The following ZNF366 variants were observed in gnomAD, a reference collection of about 807,000 sequenced individuals.
The protein encoded by ZNF366 is dendritic cell-specific transcript protein.
In ZNF366, 20 loss-of-function variants were observed where a neutral mutation model predicts 47.2. The observed-to-expected ratio is 0.42, with a 90% confidence interval of 0.30 to 0.62. The LOEUF is 0.62. Ranked by LOEUF, ZNF366 falls within the 20% of genes least tolerant of loss-of-function variation. The pLI, the probability that ZNF366 is intolerant of heterozygous loss-of-function variation, is 0.16. For synonymous variants in ZNF366, 421 were observed against 395.1 expected (o/e 1.07, Z -0.78); for missense variants, 987 against 976.3 (o/e 1.01, Z -0.15).
At chr5:72,496,567 G>A (rs2112355181) in intron 1 of ZNF366, among the ~76,000 whole-genome samples, 1 of 152,124 alleles carries the variant, frequency 6.6e-6, no homozygotes, top group Non-Finnish European at 1.5e-5. Context: ...TTTCCAGTTG[G>A]GGGCATTATG....
chr5:72,456,684 T>C, intron 2 of ZNF366, 89 bp from the exon 3 acceptor site: 1 of 1,331,506 alleles, frequency 7.5e-7, no homozygotes, highest in East Asian at 2.3e-5. Flanking sequence ...CTCTGCCACA[T>C]AAATCCACAA....
intron 1 of ZNF366, among the ~76,000 whole-genome samples, chr5:72,489,538 G>A (rs1405717197): frequency 1.3e-5 from 2 of 152,226 alleles, no homozygotes; most frequent in African/African-American, 4.8e-5. Flanking sequence ...CACATGGCAA[G>A]TGCTAAGTAA....
In ZNF366 at chr5:72,493,979, GCCA is replaced by G. The variant is rs1428460416; in HGVS notation, c.-15+13269_-15+13271del. 8.2e-5 allele frequency among the ~76,000 whole-genome samples: 11 copies of G among 133,456 alleles called. No individual in the cohort carries two copies. The Admixed American group carries it at 9.6e-4, about 12-fold the overall frequency. The allele number at this position is 133,456 out of a possible 152,430, so 87.6% of individuals were successfully genotyped here. The stretch of plus-strand genomic sequence containing the variant: ...GTAGAGGTGGGGTTTCACCATATTG[GCCA>G]GGCCAGTCTCGAACTCCTGACCTTA... On this transcript the variant is annotated intron_variant, in intron 1 of 4. Coordinates refer to ENST00000318442, the MANE Select transcript of ZNF366 (RefSeq NM_152625.3).
intron 1 of ZNF366, among the ~76,000 whole-genome samples, chr5:72,494,007 A>G (rs13361840): frequency 0.2 from 27,713 of 140,624 alleles, 2,726 homozygotes; most frequent in East Asian, 0.39. Context: ...TCCTGACCTT[A>G]TGATCTGCCC....
intron 1 of ZNF366, among the ~76,000 whole-genome samples, chr5:72,466,408 T>G (rs1468226912): frequency 6.6e-6 from 1 of 152,216 alleles, no homozygotes. Flanking sequence ...TGTGAGAAAC[T>G]GAAACATTGC....
intron 1 of ZNF366, among the ~76,000 whole-genome samples, chr5:72,505,656 C>T (rs1744306274): frequency 6.6e-6 from 1 of 152,200 alleles, no homozygotes; most frequent in South Asian, 2.1e-4. Context: ...GCACAAAATT[C>T]AATACATTAT....
At chr5:72,504,089 G>A (rs10066095) in intron 1 of ZNF366, among the ~76,000 whole-genome samples, 27,779 of 151,560 alleles carry the variant, frequency 0.18, 2,699 homozygotes, top group East Asian at 0.38. Context: ...ACATGCGCGC[G>A]CACACACGCG....
In ZNF366 at chr5:72,463,160, T is replaced by G. The variant is rs140067779; in HGVS notation, c.-14-1650A>C. 1.8e-3 allele frequency among the ~76,000 whole-genome samples: 281 copies of G among 152,342 alleles called. 3 individuals carry two copies. The highest frequency in any genetic ancestry group is 6.5e-3 in the African/African-American group (270 of 41,570). On this transcript the variant is annotated intron_variant, in intron 1 of 4. Transcript: ENST00000318442. ...AGAGGGCCAACAGTTTTCAGTGATT[T>G]TCTATGGTCCTTGGCGAGTCGGATA...
rs560762599 is a variant in ZNF366 at position 72,473,903 on chromosome 5, G to T, written c.-14-12393C>A. Among the ~76,000 whole-genome samples, 26 of 152,306 alleles carry T rather than the reference G, an allele frequency of 1.7e-4. No individual in the cohort carries two copies. The South Asian group carries it at 2.9e-3, about 17-fold the overall frequency. On this transcript the variant is annotated intron_variant, in intron 1 of 4. Coordinates refer to ENST00000318442, the MANE Select transcript of ZNF366 (RefSeq NM_152625.3). Reference sequence around the variant, plus strand: ...GATACTCAGTAGATATCCCTTGCTTGGTTGTGATCCTCTTACTATGCATTG... The same window carrying T: ...GATACTCAGTAGATATCCCTTGCTTTGTTGTGATCCTCTTACTATGCATTG...
rs1232476025 is a variant in ZNF366, at chr5:72,460,145, C to G, written c.1332+20G>C. ...CCTCTTCCCAAGGCCCCGTCCGCCCCACCAGAGGCCCCGCAGTACCTTGTG... is the reference window on the plus strand; with the variant it reads ...CCTCTTCCCAAGGCCCCGTCCGCCCGACCAGAGGCCCCGCAGTACCTTGTG... On this transcript the variant is annotated intron_variant, in intron 2 of 4. Transcript: ENST00000318442. 6.2e-7 allele frequency: 1 copy of G among 1,609,514 alleles called. No homozygotes were observed.
chr5:72,496,360 A>G (rs1744112249), intron 1 of ZNF366, among the ~76,000 whole-genome samples: 3 of 152,204 alleles, frequency 2.0e-5, no homozygotes, highest in Admixed American at 2.0e-4. Context: ...TCTTATAAAG[A>G]AAATCATTTG....
chr5:72,496,044 A>T (rs1370056592), intron 1 of ZNF366, among the ~76,000 whole-genome samples: 1 of 152,090 alleles, frequency 6.6e-6, no homozygotes, highest in Non-Finnish European at 1.5e-5. Context: ...TTTTTACTTA[A>T]CTATACAGGT....
intron 1 of ZNF366, among the ~76,000 whole-genome samples, chr5:72,505,453 T>C (rs1223533441): frequency 6.6e-6 from 1 of 152,210 alleles, no homozygotes; most frequent in Non-Finnish European, 1.5e-5. Context: ...TCTCAAGCCA[T>C]AGTCATGCTA....
intron 1 of ZNF366, among the ~76,000 whole-genome samples, chr5:72,478,800 A>G (rs995069793): frequency 6.6e-6 from 1 of 152,210 alleles, no homozygotes; most frequent in African/African-American, 2.4e-5. Context: ...GCTCACCCCA[A>G]GGGGACTTTG....
At chr5:72,448,092 A>G (rs1742993871) in intron 3 of ZNF366, among the ~76,000 whole-genome samples, 1 of 152,250 alleles carries the variant, frequency 6.6e-6, no homozygotes, top group Non-Finnish European at 1.5e-5. Context: ...TTATTATAAT[A>G]CACTGTATTA....
intron 1 of ZNF366, among the ~76,000 whole-genome samples, chr5:72,476,373 TC>T (rs1229242833): frequency 1.3e-5 from 2 of 152,120 alleles, no homozygotes; most frequent in African/African-American, 2.4e-5. Context: ...CTCATGGCCA[TC>T]CTAGGCTGAA....
intron 3 of ZNF366, among the ~76,000 whole-genome samples, chr5:72,447,932 G>A (rs1742991472): frequency 6.6e-6 from 1 of 152,102 alleles, no homozygotes; most frequent in Non-Finnish European, 1.5e-5. Context: ...ACAAGTGGTG[G>A]GTGCTGAAGC....
At chr5:72,484,063 G>T (rs181898894) in intron 1 of ZNF366, among the ~76,000 whole-genome samples, 13 of 152,110 alleles carry the variant, frequency 8.5e-5, no homozygotes, top group African/African-American at 3.1e-4. Flanking sequence ...CTTCCGACTG[G>T]GATGCTTTTG....
At chr5:72,506,365 T>A (rs1403054433) in intron 1 of ZNF366, among the ~76,000 whole-genome samples, 1 of 152,232 alleles carries the variant, frequency 6.6e-6, no homozygotes, top group Non-Finnish European at 1.5e-5. Flanking sequence ...TTATCCTTTA[T>A]GACTAATCTA....
Sources: gnomAD v4.1 joint callset for allele counts (sites outside exome capture counted in the v4.1 genomes callset) on GRCh38, gnomAD v4.1.1 for gene constraint, MANE v1.5 for transcripts, NCBI Gene and HGNC (gene_info 2026-07-23, HGNC 2026-07-21) for gene names.